AAK1: variants seen among roughly 807,000 people sequenced by gnomAD.
AAK1 encodes AP2 associated kinase 1.
In AAK1, 37 loss-of-function variants were observed where a neutral mutation model predicts 116.0. The ratio of observed to expected loss-of-function variants is 0.32; its 90% CI spans 0.25 to 0.42. AAK1 has a LOEUF of 0.42. Among genes scored for constraint, AAK1 ranks in the 10% least tolerant of loss-of-function variants. The pLI is 1.00. For missense variants in AAK1, 919 were observed against 1,170.6 expected, an observed-to-expected ratio of 0.79 and a Z score of 3.14; for synonymous variants, 458 against 439.9, an observed-to-expected ratio of 1.04 and a Z score of -0.51.
chr2:69,506,582 C>G (rs894507370), intron 15 of AAK1, among the ~76,000 whole-genome samples: 8 of 152,182 alleles, frequency 5.3e-5, no homozygotes, highest in Admixed American at 3.3e-4. Flanking sequence ...CCAGGCTGGT[C>G]TTGAACTCCT....
At chr2:69,564,148 C>T (rs1281924830) in intron 2 of AAK1, among the ~76,000 whole-genome samples, 2 of 151,506 alleles carry the variant, frequency 1.3e-5, no homozygotes, top group Non-Finnish European at 2.9e-5. Flanking sequence ...GCCGAGATCA[C>T]GCCACTGCAC....
At chr2:69,556,089 A>C (rs1023336297) in intron 3 of AAK1, among the ~76,000 whole-genome samples, 1 of 152,200 alleles carries the variant, frequency 6.6e-6, no homozygotes, top group African/African-American at 2.4e-5. Flanking sequence ...AAAATGAGTA[A>C]GTTTTAAGAA....
chr2:69,516,406 C>A (rs183280404), intron 12 of AAK1, among the ~76,000 whole-genome samples: 15 of 151,648 alleles, frequency 9.9e-5, no homozygotes, highest in Non-Finnish European at 1.5e-5. Context: ...TTCATAATGC[C>A]TATTCTCCAA....
Position 69,587,579 on chromosome 2 carries a change from T to C in AAK1, c.164-30601A>G, listed in dbSNP as rs1323024405. Among the ~76,000 whole-genome samples the C allele has an allele frequency of 3.3e-5, 5 of 151,718 alleles. No homozygotes were observed. The East Asian group carries it at 9.7e-4, about 29-fold the overall frequency. On this transcript the variant is annotated intron_variant, in intron 2 of 21. Transcript: ENST00000409085. Reference sequence around the variant, plus strand: ...CTCTTGGGTTCAAGTGATTCTCCTGTCTCAGCCTCCCAAGTAGCTGGTATT... The same window carrying C: ...CTCTTGGGTTCAAGTGATTCTCCTGCCTCAGCCTCCCAAGTAGCTGGTATT...
chr2:69,528,165 A>G (rs909245673), intron 8 of AAK1, among the ~76,000 whole-genome samples: 1 of 152,252 alleles, frequency 6.6e-6, no homozygotes, highest in Non-Finnish European at 1.5e-5. Flanking sequence ...GGAGAAAGAC[A>G]AGAGAATGCC....
At chr2:69,617,950 C>G (rs1006320062) in intron 2 of AAK1, among the ~76,000 whole-genome samples, 1 of 152,138 alleles carries the variant, frequency 6.6e-6, no homozygotes, top group African/African-American at 2.4e-5. Context: ...AGCAAAGATT[C>G]AGGGAAGTGG....
At chr2:69,589,088 G>A (rs1008269048) in intron 2 of AAK1, among the ~76,000 whole-genome samples, 1 of 152,212 alleles carries the variant, frequency 6.6e-6, no homozygotes, top group Non-Finnish European at 1.5e-5. Flanking sequence ...TGGGGTTAAA[G>A]ATCAAAGTTC....
chr2:69,532,957 A>G (rs908941937), intron 5 of AAK1, among the ~76,000 whole-genome samples: 1 of 152,174 alleles, frequency 6.6e-6, no homozygotes, highest in African/African-American at 2.4e-5. Flanking sequence ...ACAACTCCAA[A>G]ATAGTGGGCA....
intron 2 of AAK1, among the ~76,000 whole-genome samples, chr2:69,570,307 A>G (rs951331410): frequency 2.0e-5 from 3 of 151,710 alleles, no homozygotes; most frequent in Non-Finnish European, 1.5e-5. Context: ...GCTTGACAAA[A>G]TGAGTTTACA....
Position 69,468,824 on chromosome 2 carries a change from T to G in AAK1, c.*7045A>C, listed in dbSNP as rs1232406736. 2 of 985,270 alleles carry G rather than the reference T, an allele frequency of 2.0e-6. No homozygotes were observed. The highest frequency in any genetic ancestry group is 2.3e-4 in the East Asian group (2 of 8,826). 61.0% of individuals were successfully genotyped at this position (985,270 alleles called of 1,614,324 possible). On this transcript the variant is annotated 3_prime_UTR_variant, in exon 22 of 22. Coordinates refer to ENST00000409085, the MANE Select transcript of AAK1 (RefSeq NM_014911.5). ...CAGGGTTGGAGAGGATGGAAGAACA[T>G]GTCTAACCCATCAAAATTATTTGTT...
rs1289974284 is a variant in AAK1, at chr2:69,514,687, T to C, written c.1560A>G (p.Gln520=). 6.2e-7 allele frequency: 1 copy of C among 1,613,556 alleles called. No homozygotes were observed. Among genetic ancestry groups the C allele is most frequent in the Non-Finnish European group, 8.5e-7 (1 of 1,179,700 alleles). The change falls in exon 13 of 22, where the codon CAA becomes CAG. Residue 520 remains glutamine, a synonymous_variant. Transcript: ENST00000409085. ...GCATTAGCTGCTGTTGAGAGCCTCC[T>C]TGGGACACCACAGGGAACTGAGCAA... The part of the protein sequence containing the change: ...PAIAQFPVVS[Q]GGSQQQLMQN...
At chr2:69,621,172 G>A (rs1452862065) in intron 2 of AAK1, among the ~76,000 whole-genome samples, 1 of 152,190 alleles carries the variant, frequency 6.6e-6, no homozygotes, top group Admixed American at 6.5e-5. Flanking sequence ...ATATAGTAGA[G>A]TCGAGTGGTA....
intron 2 of AAK1, among the ~76,000 whole-genome samples, chr2:69,570,690 C>T (rs923341370): frequency 3.3e-5 from 5 of 152,112 alleles, no homozygotes; most frequent in African/African-American, 1.2e-4. Context: ...GTGCTTAGCA[C>T]GTGGTAGATG....
At chr2:69,639,759 T>C (rs573709646) in intron 2 of AAK1, among the ~76,000 whole-genome samples, 22 of 152,220 alleles carry the variant, frequency 1.4e-4, no homozygotes, top group African/African-American at 5.3e-4. Context: ...TAGCCACCGC[T>C]CTGGGCACAC....
chr2:69,537,205 T>C (rs1451927288), intron 5 of AAK1, among the ~76,000 whole-genome samples: 3 of 152,226 alleles, frequency 2.0e-5, no homozygotes, highest in Non-Finnish European at 4.4e-5. Context: ...TCTTTATCTT[T>C]CTCAGAGAAA....
chr2:69,542,501 A>G, intron 5 of AAK1, 22 bp downstream of exon 5: 1 of 1,613,344 alleles, frequency 6.2e-7, no homozygotes, highest in Non-Finnish European at 8.5e-7. Flanking sequence ...GAATGCCCGT[A>G]ATGAAAGAGT....
Position 69,484,915 on chromosome 2 carries a change from G to A in AAK1, c.2366-2103C>T, listed in dbSNP as rs894050987. ...AAATAAAAACATAAAAAAAAGGAAG[G>A]AAAAAAAAGGAAGTTTTTCAGTTGC... On this transcript the variant is annotated intron_variant, in intron 17 of 21. Transcript: ENST00000409085. 8.0e-5 allele frequency among the ~76,000 whole-genome samples: 12 copies of A among 149,356 alleles called. 1 individual carries two copies. Among genetic ancestry groups the A allele is most frequent in the African/African-American group, 3.0e-4 (12 of 40,184 alleles).
intron 2 of AAK1, among the ~76,000 whole-genome samples, chr2:69,587,527 G>A (rs909942334): frequency 7.9e-5 from 12 of 151,270 alleles, no homozygotes; most frequent in South Asian, 4.2e-4. Flanking sequence ...GTGCAGTGGC[G>A]GGATCTCGGC....
Position 69,509,280 on chromosome 2 carries a change from T to A in AAK1, c.1957A>T (p.Thr653Ser). Residue 653 changes from threonine to serine, a missense_variant, in exon 14 of 22, where the codon ACC becomes TCC. Physicochemically the swap from Thr to Ser is moderately conservative, Grantham distance 58. Coordinates refer to ENST00000409085, the MANE Select transcript of AAK1 (RefSeq NM_014911.5). ...GCTGCAGCTGCCTGGAGCAGCTGGG[T>A]TGATTTGCTGGCAGGGACCCCAAAG... ...AVFGVPASKS[T>S]QLLQAAAAEA... is the part of the protein sequence containing the mutation. 6.2e-7 allele frequency: 1 copy of A among 1,613,814 alleles called. No homozygotes were observed. Among genetic ancestry groups the A allele is most frequent in the Non-Finnish European group, 8.5e-7 (1 of 1,179,844 alleles).
Sources: gnomAD v4.1 joint callset for allele counts (sites outside exome capture counted in the v4.1 genomes callset) on GRCh38, gnomAD v4.1.1 for gene constraint, MANE v1.5 for transcripts, NCBI Gene and HGNC (gene_info 2026-07-23, HGNC 2026-07-21) for gene names.